Variants in MAPKAPK2 observed in about 807,000 individuals in gnomAD.
MAPKAPK2 encodes MAP kinase-activated protein kinase 2.
In MAPKAPK2, 9 loss-of-function variants were observed where a neutral mutation model predicts 48.8. The ratio of observed to expected loss-of-function variants is 0.18; its 90% CI spans 0.11 to 0.32. The LOEUF is 0.32. Among genes scored for constraint, MAPKAPK2 ranks in the 10% least tolerant of loss-of-function variants. MAPKAPK2 has a pLI of 1.00. For synonymous variants in MAPKAPK2, 202 were observed against 190.6 expected (o/e 1.06, Z -0.49); for missense variants, 331 against 498.3 (o/e 0.66, Z 3.20).
In MAPKAPK2 at chr1:206,685,288, CGCCGCAGCCCCCCACCCCTGCCCT is replaced by C. The variant is rs1158238055; in HGVS notation, c.66_89del (p.Gln22_Pro29del). On this transcript the variant is annotated inframe_deletion, in exon 1 of 10. Transcript: ENST00000367103. ...GTGCCGTTCCCCGCCCCGGCCCCGC[CGCCGCAGCCCCCCACCCCTGCCCT>C]GCCGCACCCCCCGGCGCAGCCGCCG... 5.7e-6 allele frequency: 3 copies of C among 523,600 alleles called. No homozygotes were observed. The highest frequency in any genetic ancestry group is 5.9e-6 in the Non-Finnish European group (2 of 339,662). The allele number at this position is 523,600 out of a possible 1,614,324, so 32.4% of individuals were successfully genotyped here.
intron 5 of MAPKAPK2, 24 bp downstream of exon 5, chr1:206,730,122 A>G (rs782116548): frequency 6.2e-7 from 1 of 1,613,574 alleles, no homozygotes; most frequent in Non-Finnish European, 8.5e-7. Flanking sequence ...GGGCCCAGGG[A>G]CCTAGGCTTT....
At chr1:206,720,821 T>G (rs1397293770) in intron 1 of MAPKAPK2, among the ~76,000 whole-genome samples, 1 of 152,046 alleles carries the variant, frequency 6.6e-6, no homozygotes, top group Non-Finnish European at 1.5e-5. Context: ...GAAGAAAAAA[T>G]AGGATAGTAT....
intron 1 of MAPKAPK2, among the ~76,000 whole-genome samples, chr1:206,724,872 A>G (rs1022671187): frequency 2.8e-4 from 42 of 152,338 alleles, no homozygotes; most frequent in African/African-American, 8.9e-4. Context: ...TTGGGCAGAT[A>G]AGGCATAAAT....
chr1:206,708,572 A>G (rs1239103524), intron 1 of MAPKAPK2, among the ~76,000 whole-genome samples: 1 of 152,188 alleles, frequency 6.6e-6, no homozygotes, highest in Non-Finnish European at 1.5e-5. Flanking sequence ...CTCAGCATAC[A>G]TAGGCATTAA....
intron 1 of MAPKAPK2, among the ~76,000 whole-genome samples, chr1:206,686,831 A>G (rs1456290130): frequency 6.6e-6 from 1 of 151,374 alleles, no homozygotes; most frequent in African/African-American, 2.4e-5. Context: ...CTCATACTCA[A>G]CCCTGTTACA....
chr1:206,692,999 G>T (rs1672504167), intron 1 of MAPKAPK2, among the ~76,000 whole-genome samples: 2 of 152,206 alleles, frequency 1.3e-5, no homozygotes, highest in Admixed American at 1.3e-4. Flanking sequence ...AAGTCTCTCT[G>T]AGGGGAGGGG....
intron 1 of MAPKAPK2, among the ~76,000 whole-genome samples, chr1:206,688,742 A>G (rs1553425918): frequency 1.3e-5 from 2 of 152,090 alleles, no homozygotes; most frequent in African/African-American, 2.4e-5. Flanking sequence ...GGTCCACGCC[A>G]TTCTGCCTCA....
At chr1:206,725,570 C>T (rs186040010) in intron 1 of MAPKAPK2, among the ~76,000 whole-genome samples, 3 of 152,290 alleles carry the variant, frequency 2.0e-5, no homozygotes, top group Admixed American at 6.5e-5. Flanking sequence ...CAGGTATCAT[C>T]GCTCCTAAAT....
Position 206,685,445 on chromosome 1 carries a change from G to C in MAPKAPK2, c.216G>C (p.Leu72=), listed in dbSNP as rs144830172. 2.5e-4 allele frequency: 385 copies of C among 1,545,128 alleles called. 6 individuals are homozygous for C. In the East Asian group the frequency reaches 5.2e-3, roughly 21 times the overall value. Residue 72 remains leucine, a synonymous_variant, in exon 1 of 10, where the codon CTG becomes CTC. Transcript: ENST00000367103. ...DYKVTSQVLG[L]GINGKVLQIF... ...AGGTCACCAGCCAGGTCCTGGGGCT[G>C]GGCATCAACGGCAAAGTTTTGCAGA...
chr1:206,690,006 C>T (rs1413974984), intron 1 of MAPKAPK2, among the ~76,000 whole-genome samples: 1 of 152,122 alleles, frequency 6.6e-6, no homozygotes, highest in Admixed American at 6.5e-5. Context: ...GGCTGTGCCT[C>T]TGAGGAGTGA....
intron 1 of MAPKAPK2, among the ~76,000 whole-genome samples, chr1:206,722,548 G>T (rs1553431353): frequency 6.6e-6 from 1 of 152,148 alleles, no homozygotes; most frequent in Non-Finnish European, 1.5e-5. Flanking sequence ...AAGAAAATAA[G>T]CATCGTTAAG....
chr1:206,691,094 C>T (rs1435511201), intron 1 of MAPKAPK2, among the ~76,000 whole-genome samples: 1 of 152,204 alleles, frequency 6.6e-6, no homozygotes, highest in African/African-American at 2.4e-5. Flanking sequence ...AGAACCCACA[C>T]TCCCTGGTCA....
chr1:206,730,812 C>T, intron 6 of MAPKAPK2, 49 bp downstream of exon 6: 1 of 1,575,548 alleles, frequency 6.3e-7, no homozygotes, highest in Non-Finnish European at 8.7e-7. Context: ...TCAGGGCGGC[C>T]TGTACTTCTC....
Position 206,732,285 on chromosome 1 carries a change from C to T in MAPKAPK2, c.1060-290C>T, listed in dbSNP as rs1339338518. 1 of 1,449,752 alleles carries T rather than the reference C, an allele frequency of 6.9e-7. No homozygotes were observed. Among genetic ancestry groups the T allele is most frequent in the Non-Finnish European group, 9.1e-7 (1 of 1,104,252 alleles). 89.8% of individuals were successfully genotyped at this position (1,449,752 alleles called of 1,614,324 possible). The stretch of plus-strand genomic sequence containing the variant: ...GTGACTGGTTGGGGCAGACCGGACC[C>T]AGGTTTCCTGACTCCTGGCCCAAGT... On this transcript the variant is annotated intron_variant, in intron 9 of 9. Transcript: ENST00000367103. This position sits in a 1 kb window ranked among gnomAD's most constrained non-coding sequence, Gnocchi z 4.4.
intron 1 of MAPKAPK2, among the ~76,000 whole-genome samples, chr1:206,726,908 T>C (rs1673717755): frequency 6.6e-6 from 1 of 152,204 alleles, no homozygotes; most frequent in African/African-American, 2.4e-5. Flanking sequence ...TGATCTTATT[T>C]GCAAGCTTCA....
intron 1 of MAPKAPK2, among the ~76,000 whole-genome samples, chr1:206,718,290 G>A (rs954261964): frequency 6.6e-6 from 1 of 152,170 alleles, no homozygotes; most frequent in Non-Finnish European, 1.5e-5. Flanking sequence ...CCAGCACTTT[G>A]GGAGGCCGAG....
Position 206,732,992 on chromosome 1 carries a change from T to C in MAPKAPK2, c.*274T>C, listed in dbSNP as rs182195171. ...TATCAGTAATTTGACTTAGAGTTTTTACGAAACCTCTTTTGTTGTCCTTGC... is the reference window on the plus strand; with the variant it reads ...TATCAGTAATTTGACTTAGAGTTTTCACGAAACCTCTTTTGTTGTCCTTGC... On this transcript the variant is annotated 3_prime_UTR_variant, in exon 10 of 10. Coordinates refer to ENST00000367103, the MANE Select transcript of MAPKAPK2 (RefSeq NM_032960.4). The surrounding 1 kb of genome is among the most constrained non-coding windows in gnomAD (Gnocchi z 4.4). 4.4e-4 allele frequency: 190 copies of C among 431,266 alleles called. 1 individual carries two copies. The highest frequency in any genetic ancestry group is 3.6e-3 in the African/African-American group (183 of 50,344). The allele number at this position is 431,266 out of a possible 1,614,324, so 26.7% of individuals were successfully genotyped here. A position where few individuals can be genotyped will look rare whatever the true frequency, so the allele number is the denominator to read the frequency against.
At chr1:206,703,638 C>G (rs1173065777) in intron 1 of MAPKAPK2, among the ~76,000 whole-genome samples, 1 of 152,220 alleles carries the variant, frequency 6.6e-6, no homozygotes, top group African/African-American at 2.4e-5. Context: ...ATGCAGCACA[C>G]ACTTGTATTC....
At chr1:206,710,873 T>C (rs1489063076) in intron 1 of MAPKAPK2, among the ~76,000 whole-genome samples, 1 of 152,248 alleles carries the variant, frequency 6.6e-6, no homozygotes, top group African/African-American at 2.4e-5. Context: ...ATAAGGTTTT[T>C]ACAAAGCAAT....
Sources: allele counts gnomAD v4.1 joint callset (sites outside exome capture counted in the v4.1 genomes callset), GRCh38; gene constraint gnomAD v4.1.1; non-coding constraint Gnocchi (gnomAD v3.1); transcripts MANE v1.5; gene names NCBI Gene and HGNC (gene_info 2026-07-23, HGNC 2026-07-21).